Variants in MACF1 observed in about 807,000 individuals in gnomAD.
MACF1 encodes the protein microtubule-actin cross-linking factor 1.
In MACF1, 193 loss-of-function variants were observed where a neutral mutation model predicts 854.8. That is an observed-to-expected ratio of 0.23 (90% CI 0.20 to 0.25). The LOEUF is 0.25. Among genes scored for constraint, MACF1 ranks in the 10% least tolerant of loss-of-function variants. The pLI, the probability that MACF1 is intolerant of heterozygous loss-of-function variation, is 1.00. For missense variants in MACF1, 7,722 were observed against 8,929.1 expected (o/e 0.86, Z 5.45); for synonymous variants, 3,185 against 3,226.7 (o/e 0.99, Z 0.44).
intron 58 of MACF1, among the ~76,000 whole-genome samples, chr1:39,420,605 G>C (rs1643496630): frequency 6.6e-6 from 1 of 152,072 alleles, no homozygotes; most frequent in African/African-American, 2.4e-5. Flanking sequence ...TTCCCTCCCT[G>C]GTAATCTTAG....
At chr1:39,461,517 G>A (rs1644553775) in intron 92 of MACF1, among the ~76,000 whole-genome samples, 1 of 152,038 alleles carries the variant, frequency 6.6e-6, no homozygotes, top group South Asian at 2.1e-4. Context: ...GGCCAGGCGT[G>A]GTGGCTCGCG....
chr1:39,371,889 C>A (rs952966521), intron 51 of MACF1, among the ~76,000 whole-genome samples: 6 of 151,804 alleles, frequency 4.0e-5, no homozygotes, highest in Admixed American at 2.6e-4. Flanking sequence ...TCTCGGCTCA[C>A]TGCAACCTCT....
intron 99 of MACF1, among the ~76,000 whole-genome samples, chr1:39,481,442 G>C (rs761149994): frequency 2.0e-4 from 31 of 152,180 alleles, no homozygotes; most frequent in Non-Finnish European, 3.2e-4. Context: ...TAGAACAGAA[G>C]AGTGGTTGGC....
At chr1:39,293,669 A>G (rs186628060) in intron 18 of MACF1, 50 bp downstream of exon 18, 1 of 1,565,728 alleles carries the variant, frequency 6.4e-7, no homozygotes, top group South Asian at 1.2e-5. Context: ...ACAGCAGCAG[A>G]AGGAGACAGG....
rs770860508 is a variant in MACF1, at chr1:39,300,359, C to A, written c.2631C>A (p.Ile877=). The change falls in exon 22 of 101, where the codon ATC becomes ATA. Residue 877 remains isoleucine, a synonymous_variant. Transcript: ENST00000564288. The part of the protein sequence containing the change: ...SVKAVCDYRQ[I]EITICKNDEC... Reference sequence around the variant, plus strand: ...AGGCTGTCTGTGACTACAGGCAGATCGAGGTGAGGAGGTAGAAAGGGTACC... The same window carrying A: ...AGGCTGTCTGTGACTACAGGCAGATAGAGGTGAGGAGGTAGAAAGGGTACC... The A allele has an allele frequency of 2.2e-5, 35 of 1,612,458 alleles. No homozygotes were observed. Among genetic ancestry groups the A allele is most frequent in the Admixed American group, 3.3e-5 (2 of 59,872 alleles).
chr1:39,392,338 G>A (rs1642067350), intron 58 of MACF1, among the ~76,000 whole-genome samples: 1 of 152,158 alleles, frequency 6.6e-6, no homozygotes, highest in South Asian at 2.1e-4. Context: ...CATGATTTGA[G>A]TGTGGAGTTC....
intron 51 of MACF1, among the ~76,000 whole-genome samples, 179 bp downstream of exon 51, chr1:39,370,365 G>C (rs1289987361): frequency 1.3e-5 from 2 of 152,188 alleles, no homozygotes; most frequent in African/African-American, 2.4e-5. Flanking sequence ...TCCTTGAGAA[G>C]CATACACTCT....
intron 2 of MACF1, among the ~76,000 whole-genome samples, chr1:39,185,107 C>T (rs1041429085): frequency 6.6e-6 from 1 of 151,254 alleles, no homozygotes; most frequent in Admixed American, 6.6e-5. Flanking sequence ...CTGGCTAACA[C>T]GGTGAAACCC....
At chr1:39,353,909 C>T (rs1421688293) in intron 44 of MACF1, among the ~76,000 whole-genome samples, 1 of 152,194 alleles carries the variant, frequency 6.6e-6, no homozygotes, top group Admixed American at 6.5e-5. Flanking sequence ...CCACTGTCTG[C>T]TTTCACTGTT....
intron 2 of MACF1, among the ~76,000 whole-genome samples, chr1:39,243,207 G>A (rs79398134): frequency 0.023 from 3,491 of 152,248 alleles, 84 homozygotes; most frequent in East Asian, 0.13. Context: ...CTTTTCATGT[G>A]TTTATTAGCC....
intron 61 of MACF1, among the ~76,000 whole-genome samples, chr1:39,424,513 A>C (rs1312760735): frequency 2.0e-5 from 3 of 152,172 alleles, no homozygotes; most frequent in Non-Finnish European, 4.4e-5. Context: ...TGAGTTTTTC[A>C]AACAGATTTC....
chr1:39,354,114 G>A (rs1557605265), intron 44 of MACF1, among the ~76,000 whole-genome samples: 2 of 152,022 alleles, frequency 1.3e-5, no homozygotes, highest in African/African-American at 4.8e-5. Flanking sequence ...TACTTATTTG[G>A]CCTTATCTGT....
At chr1:39,104,383 C>T (rs932181793) in intron 2 of MACF1, among the ~76,000 whole-genome samples, 12 of 152,196 alleles carry the variant, frequency 7.9e-5, no homozygotes, top group Non-Finnish European at 7.3e-5. Flanking sequence ...CCCATATTTT[C>T]CAGTTTCCTT....
chr1:39,358,558 C>T, intron 45 of MACF1, 139 bp from the exon 46 acceptor site: 1 of 716,034 alleles, frequency 1.4e-6, no homozygotes, highest in East Asian at 2.6e-5. Context: ...TGCTACCCAT[C>T]TATCCATGGG....
At chr1:39,103,153 T>TCTCGGCCGGGCGCGGTGG in intron 2 of MACF1, 1 of 420,532 alleles carries the variant, frequency 2.4e-6, no homozygotes, top group South Asian at 2.1e-5. Flanking sequence ...TTAAAAGGAA[T>TCTCGGCCGGGCGCGGTGG]CTCAACCCCT....
intron 1 of MACF1, among the ~76,000 whole-genome samples, chr1:39,208,579 G>A (rs1042873428): frequency 3.3e-5 from 5 of 151,884 alleles, no homozygotes; most frequent in East Asian, 3.9e-4. Flanking sequence ...TCAACCTCCC[G>A]AGTAGCTGAG....
At chr1:39,234,995 G>C (rs1425425669) in intron 2 of MACF1, among the ~76,000 whole-genome samples, 1 of 151,682 alleles carries the variant, frequency 6.6e-6, no homozygotes, top group African/African-American at 2.4e-5. Flanking sequence ...GATGGCGGCC[G>C]GGCGGAGACG....
In MACF1 at chr1:39,301,732, G is replaced by GT. The variant is rs373927324; in HGVS notation, c.2635-1182dup. ...AAGCCACTGCGCCCAGCGTTTGTTT[G>GT]TTTTTTTTTTCCTTTAAATAACAAT... On this transcript the variant is annotated intron_variant, in intron 22 of 100. Transcript: ENST00000564288. Among the ~76,000 whole-genome samples the GT allele has an allele frequency of 3.1e-3, 467 of 148,434 alleles. 1 individual carries two copies. Among genetic ancestry groups the GT allele is most frequent in the African/African-American group, 8.5e-3 (345 of 40,610 alleles).
intron 26 of MACF1, among the ~76,000 whole-genome samples, chr1:39,313,195 C>T (rs1195527043): frequency 6.6e-6 from 1 of 152,122 alleles, no homozygotes; most frequent in Non-Finnish European, 1.5e-5. Context: ...TGGCAGGAAT[C>T]CTGCAGAAGT....
Sources: gnomAD v4.1 joint callset for allele counts (sites outside exome capture counted in the v4.1 genomes callset) on GRCh38, gnomAD v4.1.1 for gene constraint, MANE v1.5 for transcripts, NCBI Gene and HGNC (gene_info 2026-07-23, HGNC 2026-07-21) for gene names.